Variants in PGCKA1 observed in about 807,000 individuals in gnomAD.
PGCKA1 encodes the protein PDCD10 and GCKIII kinases associated 1, also known as PDCD10 and GCKIII kinases-associated protein 1.
the PGCKA1 span, among the ~76,000 whole-genome samples, chr4:37,565,119 G>A: frequency 2.0e-5 from 3 of 152,206 alleles, no homozygotes; most frequent in Admixed American, 2.0e-4. Context: ...GTCCCCACGA[G>A]GGTACAGGAG....
the PGCKA1 span, among the ~76,000 whole-genome samples, chr4:37,467,552 G>A: frequency 0.42 from 63,523 of 151,898 alleles, 13,782 homozygotes; most frequent in East Asian, 0.56. Context: ...TTAGTTCTAC[G>A]TCTTCATTTC....
chr4:37,482,563 G>A, the PGCKA1 span, among the ~76,000 whole-genome samples: 1 of 152,212 alleles, frequency 6.6e-6, no homozygotes, highest in Admixed American at 6.5e-5. Flanking sequence ...TTTGCAGCCT[G>A]GTGATGCAAT....
At chr4:37,588,280 AAC>A in the PGCKA1 span, 2 of 152,506 alleles carry the variant, frequency 1.3e-5, no homozygotes, top group African/African-American at 4.8e-5. Context: ...TAGGAAAAGC[AAC>A]ACAGAATCAA....
At chr4:37,518,918 CCTT>C in the PGCKA1 span, among the ~76,000 whole-genome samples, 1 of 152,114 alleles carries the variant, frequency 6.6e-6, no homozygotes, top group African/African-American at 2.4e-5. Context: ...AGATTTAAGT[CCTT>C]AATCCATTTT....
At chr4:37,519,638 T>C in the PGCKA1 span, among the ~76,000 whole-genome samples, 1 of 152,228 alleles carries the variant, frequency 6.6e-6, no homozygotes, top group Admixed American at 6.5e-5. Flanking sequence ...CTTTACTGAA[T>C]TTATCAGTTC....
chr4:37,559,475 A>G, the PGCKA1 span, among the ~76,000 whole-genome samples: 2 of 150,172 alleles, frequency 1.3e-5, no homozygotes, highest in African/African-American at 2.4e-5. Flanking sequence ...GGATAGCATT[A>G]GGAGATATAC....
At chr4:37,463,210 C>T in the PGCKA1 span, among the ~76,000 whole-genome samples, 2 of 152,128 alleles carry the variant, frequency 1.3e-5, no homozygotes, top group Admixed American at 1.3e-4. Context: ...CAGCGTCTCC[C>T]AGCCACTGGT....
the PGCKA1 span, among the ~76,000 whole-genome samples, chr4:37,525,320 C>T: frequency 6.6e-6 from 1 of 152,146 alleles, no homozygotes; most frequent in Non-Finnish European, 1.5e-5. Flanking sequence ...CAAAATTGCA[C>T]TTAACTTCAA....
chr4:37,504,012 A>G, the PGCKA1 span, among the ~76,000 whole-genome samples: 9 of 152,216 alleles, frequency 5.9e-5, no homozygotes, highest in Admixed American at 1.3e-4. Flanking sequence ...CTGAGGTATT[A>G]CTTTGTCCAG....
the PGCKA1 span, among the ~76,000 whole-genome samples, chr4:37,560,231 G>C: frequency 1.3e-5 from 2 of 152,128 alleles, no homozygotes; most frequent in Non-Finnish European, 2.9e-5. Flanking sequence ...TCTTGCTTTT[G>C]TTCCCCCTAA....
the PGCKA1 span, among the ~76,000 whole-genome samples, chr4:37,527,991 C>T: frequency 0.17 from 25,358 of 152,122 alleles, 2,620 homozygotes; most frequent in Non-Finnish European, 0.23. Context: ...GATGTTCACA[C>T]GACAAAATCA....
chr4:37,478,278 A>T, the PGCKA1 span, among the ~76,000 whole-genome samples: 1 of 151,430 alleles, frequency 6.6e-6, no homozygotes, highest in Non-Finnish European at 1.5e-5. Context: ...TCTAGTTCCA[A>T]TTTCCCTAGC....
At chr4:37,488,948 A>G in the PGCKA1 span, among the ~76,000 whole-genome samples, 1 of 152,128 alleles carries the variant, frequency 6.6e-6, no homozygotes, top group African/African-American at 2.4e-5. Context: ...TAAAAAACAC[A>G]GTGTTACTAG....
At chr4:37,524,041 CT>C in the PGCKA1 span, among the ~76,000 whole-genome samples, 2 of 152,220 alleles carry the variant, frequency 1.3e-5, no homozygotes, top group African/African-American at 4.8e-5. Flanking sequence ...TCTTTCACAG[CT>C]AAATTGGCAT....
At chr4:37,565,491 C>A in the PGCKA1 span, among the ~76,000 whole-genome samples, 1 of 152,106 alleles carries the variant, frequency 6.6e-6, no homozygotes, top group Non-Finnish European at 1.5e-5. Context: ...ACAGGACCCC[C>A]TTGACTCCAC....
chr4:37,585,774 G>A, the PGCKA1 span, among the ~76,000 whole-genome samples: 1 of 151,978 alleles, frequency 6.6e-6, no homozygotes, highest in African/African-American at 2.4e-5. Context: ...TTAGAAATGG[G>A]GTAGTTTAAG....
chr4:37,456,725 A>G, the PGCKA1 span, among the ~76,000 whole-genome samples: 2 of 152,206 alleles, frequency 1.3e-5, no homozygotes, highest in Admixed American at 1.3e-4. Flanking sequence ...CAGAGATCCC[A>G]ATATCTTGGG....
At chr4:37,480,221 C>G in the PGCKA1 span, among the ~76,000 whole-genome samples, 4 of 152,282 alleles carry the variant, frequency 2.6e-5, no homozygotes, top group Admixed American at 2.6e-4. Flanking sequence ...GGCCAGGTGC[C>G]GTGGCTCACG....
chr4:37,519,230 G>C, the PGCKA1 span, among the ~76,000 whole-genome samples: 1 of 151,942 alleles, frequency 6.6e-6, no homozygotes. Flanking sequence ...TTTTGCTTAG[G>C]ATAGCTCTCG....
Sources: allele counts gnomAD v4.1 joint callset (sites outside exome capture counted in the v4.1 genomes callset), GRCh38; gene constraint gnomAD v4.1.1; transcripts MANE v1.5; gene names NCBI Gene and HGNC (gene_info 2026-07-23, HGNC 2026-07-21).